NALCN: variants seen among roughly 807,000 people sequenced by gnomAD.
NALCN encodes sodium leak channel, non-selective.
Under a neutral mutation model 225.3 loss-of-function variants are expected in NALCN, and 111 were observed. The ratio of observed to expected loss-of-function variants is 0.49; its 90% confidence interval spans 0.42 to 0.58. The LOEUF (loss-of-function observed/expected upper bound fraction) is 0.58, where lower values mean the gene tolerates loss of function less well. Among genes scored for constraint, NALCN ranks in the 20% least tolerant of loss-of-function variants. NALCN has a pLI of 0.00. For missense variants in NALCN, 1,378 were observed against 2,202.4 expected, an observed-to-expected ratio of 0.63 and a Z score of 7.49; for synonymous variants, 764 against 769.0, an observed-to-expected ratio of 0.99 and a Z score of 0.11.
intron 42 of NALCN, chr13:101,058,441 C>G: frequency 1.3e-5 from 2 of 158,928 alleles, no homozygotes; most frequent in Admixed American, 6.2e-5. Context: ...CTACTGTCAC[C>G]AGCCTGGAGA....
At chr13:101,372,719 T>A (rs563897256) in intron 6 of NALCN, among the ~76,000 whole-genome samples, 2 of 152,142 alleles carry the variant, frequency 1.3e-5, no homozygotes, top group East Asian at 3.9e-4. Flanking sequence ...TAGAGGAAAA[T>A]TATATTTTTA....
intron 7 of NALCN, among the ~76,000 whole-genome samples, chr13:101,311,863 T>C (rs1345314026): frequency 2.9e-4 from 44 of 152,134 alleles, no homozygotes; most frequent in African/African-American, 1.1e-3. Context: ...ATCAGGATGA[T>C]GCTGGCCTCA....
intron 6 of NALCN, among the ~76,000 whole-genome samples, chr13:101,353,192 A>G (rs2045955576): frequency 6.6e-6 from 1 of 152,204 alleles, no homozygotes; most frequent in Admixed American, 6.5e-5. Flanking sequence ...TGCACTCAAG[A>G]GAATAATGAA....
intron 11 of NALCN, among the ~76,000 whole-genome samples, chr13:101,250,063 T>C (rs2042016642): frequency 6.6e-6 from 1 of 152,026 alleles, no homozygotes; most frequent in South Asian, 2.1e-4. Flanking sequence ...ATATAAAAAA[T>C]TAATATTATT....
intron 12 of NALCN, among the ~76,000 whole-genome samples, chr13:101,236,858 T>C (rs927884377): frequency 4.0e-5 from 6 of 151,256 alleles, no homozygotes; most frequent in African/African-American, 1.5e-4. Context: ...GGCACATGTA[T>C]ACATATGTAA....
At position 101,106,966 on chromosome 13, in the gene NALCN, C is replaced by A. The variant is rs536306842; in HGVS notation, c.2579+521G>T. Among the ~76,000 whole-genome samples the A allele has an allele frequency of 5.9e-5, 9 of 152,286 alleles. No individual in the cohort carries two copies. The East Asian group carries it at 1.7e-3, about 29-fold the overall frequency. ...GTGTCTTCAATGTCCACTCTACTTA[C>A]GGCTTCTTACACATTTCTTCCATGT... On this transcript the variant is annotated intron_variant, in intron 22 of 43. Coordinates refer to ENST00000251127, the MANE Select transcript of NALCN (RefSeq NM_052867.4).
At chr13:101,196,160 AT>A (rs958486337) in intron 13 of NALCN, among the ~76,000 whole-genome samples, 94 of 150,946 alleles carry the variant, frequency 6.2e-4, no homozygotes, top group Middle Eastern at 6.8e-3. Flanking sequence ...TATTTGAGCC[AT>A]TTTTTTTTAA....
chr13:101,235,394 ATTTTC>A (rs1206647046), intron 12 of NALCN, among the ~76,000 whole-genome samples: 1 of 152,140 alleles, frequency 6.6e-6, no homozygotes, highest in Non-Finnish European at 1.5e-5. Flanking sequence ...GGCAACACCA[ATTTTC>A]TTAATTTGGC....
In NALCN at chr13:101,082,902, A is replaced by T. The variant is rs2033733889; in HGVS notation, c.3691-19T>A. On this transcript the variant is annotated intron_variant, in intron 32 of 43. Coordinates refer to ENST00000251127, the MANE Select transcript of NALCN (RefSeq NM_052867.4). ...CGTCCCACTGCAACAGAAACAGCAC[A>T]CGAGTCGTTGCCCACGTCCATCGGA... The T allele has an allele frequency of 6.2e-7, 1 of 1,613,798 alleles. No individual in the cohort carries two copies. The highest frequency in any genetic ancestry group is 1.3e-5 in the African/African-American group (1 of 74,920).
intron 9 of NALCN, among the ~76,000 whole-genome samples, chr13:101,290,868 A>G (rs1232032488): frequency 5.9e-5 from 9 of 152,198 alleles, no homozygotes; most frequent in Admixed American, 5.9e-4. Context: ...AATAATTACA[A>G]GGCATTATAT....
In NALCN at chr13:101,189,069, A is replaced by C. The variant is rs550716385; in HGVS notation, c.1764+2848T>G. On this transcript the variant is annotated intron_variant, in intron 14 of 43. Coordinates refer to ENST00000251127, the MANE Select transcript of NALCN (RefSeq NM_052867.4). The stretch of plus-strand genomic sequence containing the variant: ...GATTTTAAGATGCACATTTACTTTC[A>C]CCTTTTAAAAACTCTGAAGTAGGGA... 9.9e-5 allele frequency among the ~76,000 whole-genome samples: 15 copies of C among 152,110 alleles called. No individual in the cohort carries two copies. In the South Asian group the frequency reaches 3.1e-3, roughly 32 times the overall value.
At chr13:101,236,198 G>T (rs946522147) in intron 12 of NALCN, among the ~76,000 whole-genome samples, 1 of 152,080 alleles carries the variant, frequency 6.6e-6, no homozygotes, top group South Asian at 2.1e-4. Flanking sequence ...AAACGCAAAT[G>T]AAAACCACAA....
intron 13 of NALCN, among the ~76,000 whole-genome samples, chr13:101,207,493 T>C (rs2040357382): frequency 6.6e-6 from 1 of 152,238 alleles, no homozygotes; most frequent in African/African-American, 2.4e-5. Flanking sequence ...CTTTTTGTTC[T>C]CTACATTTTT....
intron 37 of NALCN, among the ~76,000 whole-genome samples, chr13:101,073,360 G>A (rs1166169289): frequency 6.6e-6 from 1 of 152,160 alleles, no homozygotes; most frequent in Admixed American, 6.5e-5. Flanking sequence ...ATGCATATTT[G>A]TTGAATGGAA....
chr13:101,163,239 C>T (rs1045515455), intron 15 of NALCN, among the ~76,000 whole-genome samples: 1 of 152,018 alleles, frequency 6.6e-6, no homozygotes, highest in African/African-American at 2.4e-5. Context: ...GGTTACCTTG[C>T]AGAGTGCTGT....
Position 101,249,741 on chromosome 13 carries a change from G to C in NALCN, c.1266+8702C>G, listed in dbSNP as rs1284818770. 2.0e-5 allele frequency among the ~76,000 whole-genome samples: 3 copies of C among 152,016 alleles called. No individual in the cohort carries two copies. In the East Asian group the frequency reaches 5.8e-4, roughly 29 times the overall value. On this transcript the variant is annotated intron_variant, in intron 11 of 43. Transcript: ENST00000251127. ...CTCTTGGCAACCTAGAAATAGAAGT[G>C]AGCTTTATTAACATGATGAAAGGCA...
At chr13:101,075,541 T>A (rs2033198637) in intron 35 of NALCN, among the ~76,000 whole-genome samples, 1 of 151,776 alleles carries the variant, frequency 6.6e-6, no homozygotes, top group Non-Finnish European at 1.5e-5. Context: ...TTAACTTTAT[T>A]GAAAATAAAA....
chr13:101,114,695 C>T (rs1261710427), intron 18 of NALCN, among the ~76,000 whole-genome samples: 2 of 152,184 alleles, frequency 1.3e-5, no homozygotes, highest in Admixed American at 6.5e-5. Flanking sequence ...TGCCCAGATT[C>T]CTGACTAAAA....
At chr13:101,257,696 GTCAA>G (rs1404182375) in intron 11 of NALCN, among the ~76,000 whole-genome samples, 14 of 151,916 alleles carry the variant, frequency 9.2e-5, no homozygotes, top group Admixed American at 9.2e-4. Context: ...TTTCTACGTT[GTCAA>G]TCAATTTTTT....
Sources: allele counts gnomAD v4.1 joint callset (sites outside exome capture counted in the v4.1 genomes callset), GRCh38; gene constraint gnomAD v4.1.1; transcripts MANE v1.5; gene names NCBI Gene and HGNC (gene_info 2026-07-23, HGNC 2026-07-21).